FAN1: variants seen among roughly 807,000 people sequenced by gnomAD.
FAN1 encodes the protein FANCD2 and FANCI associated nuclease 1.
A neutral mutation model predicts 104.9 loss-of-function variants in FAN1; 91 were observed. The observed-to-expected ratio is 0.87, with a 90% CI of 0.73 to 1.03. The LOEUF (loss-of-function observed/expected upper bound fraction) is 1.03. Among genes scored for constraint, FAN1 ranks in the 50% least tolerant of loss-of-function variants. The pLI, the probability that FAN1 is intolerant of heterozygous loss-of-function variation, is 0.00. For synonymous variants in FAN1, 478 were observed against 457.6 expected (o/e 1.04, Z -0.57); for missense variants, 1,263 against 1,239.9 (o/e 1.02, Z -0.28).
Position 30,929,769 on chromosome 15 carries a change from ATATAATATAT to A in FAN1, c.2787+377_2787+386del, listed in dbSNP as rs1209005064. Among the ~76,000 whole-genome samples the A allele has an allele frequency of 3.1e-3, 106 of 34,480 alleles. 5 individuals carry two copies. The East Asian group carries it at 0.14, about 44-fold the overall frequency. The allele number at this position is 34,480 out of a possible 152,430, so 22.6% of individuals were successfully genotyped here. On this transcript the variant is annotated intron_variant, in intron 12 of 14. Transcript: ENST00000362065. ...TCATATATAATATAATATATAAAAT[ATATAATATAT>A]TATATCATATATAATATAATATATA...
Position 30,942,779 on chromosome 15 carries a change from C to T in FAN1, c.*1217C>T. ...AAGGGAATGACCCCTCAGAAACCCG[C>T]ATTAGCAGTGTTACTCTTGGAAGTG... is the stretch of plus-strand genomic sequence containing the variant. On this transcript the variant is annotated 3_prime_UTR_variant, in exon 15 of 15. Transcript: ENST00000362065. 8.9e-7 allele frequency: 1 copy of T among 1,129,786 alleles called. No individual in the cohort carries two copies. 70.0% of individuals were successfully genotyped at this position (1,129,786 alleles called of 1,614,324 possible).
Position 30,941,937 on chromosome 15 carries a change from G to A in FAN1, c.*375G>A, listed in dbSNP as rs1348569788. 6.2e-7 allele frequency: 1 copy of A among 1,613,974 alleles called. No homozygotes were observed. ...AAATACTGCTCCGTATCACTGTTCT[G>A]GCTGTCGGTTTGCTGAGCTGGATCT... On this transcript the variant is annotated 3_prime_UTR_variant, in exon 15 of 15. Coordinates refer to ENST00000362065, the MANE Select transcript of FAN1 (RefSeq NM_014967.5).
chr15:30,928,661 TCCAGTGCC>T lies in FAN1; in HGVS notation c.2592+8_2592+15del, dbSNP rs1450842114. 1 of 1,613,950 alleles carries T rather than the reference TCCAGTGCC, an allele frequency of 6.2e-7. No individual in the cohort carries two copies. Among genetic ancestry groups the T allele is most frequent in the Admixed American group, 1.7e-5 (1 of 60,018 alleles). ...GTCTTCAGAAACGCCTGTCAGGTACTCCAGTGCCCCTGCCCCACGAGTAGGTCCTTCTG... is the reference window on the plus strand; with the variant it reads ...GTCTTCAGAAACGCCTGTCAGGTACTCCTGCCCCACGAGTAGGTCCTTCTG... On this transcript the variant is annotated splice_donor_region_variant and intron_variant, in intron 11 of 14. Transcript: ENST00000362065.
chr15:30,904,770 A>G lies in FAN1; in HGVS notation c.107A>G (p.Asn36Ser), dbSNP rs146249441. The G allele has an allele frequency of 5.5e-5, 89 of 1,613,654 alleles. No homozygotes were observed. The African/African-American group carries it at 1.1e-3, about 20-fold the overall frequency. ...ASNSIISCFN[N>S]APPAKLACPV... ...AATTCTATTATTTCGTGTTTTAACA[A>G]TGCACCACCTGCTAAACTTGCCTGC... The change falls in exon 2 of 15, where the codon AAT becomes AGT. Residue 36 changes from asparagine to serine, a missense_variant. By Grantham distance (46) the Asn-to-Ser change is conservative. Transcript: ENST00000362065.
At chr15:30,932,050 G>A (rs1171100819) in intron 13 of FAN1, among the ~76,000 whole-genome samples, 7 of 151,540 alleles carry the variant, frequency 4.6e-5, no homozygotes, top group South Asian at 4.2e-4. Flanking sequence ...GTGAAACCCC[G>A]TCTCTACTAA....
Position 30,942,560 on chromosome 15 carries a change from AGGCCATGACTACATCACAGCCAGGC to A in FAN1, c.*1002_*1026del, listed in dbSNP as rs1362432706. On this transcript the variant is annotated 3_prime_UTR_variant, in exon 15 of 15. Transcript: ENST00000362065. The stretch of plus-strand genomic sequence containing the variant: ...TTAGGACAAGAATATAGCAGTCAGG[AGGCCATGACTACATCACAGCCAGGC>A]GGCATTCCCTGCCACAGTGGCGGCT... The A allele has an allele frequency of 5.7e-6, 2 of 349,080 alleles. No individual in the cohort carries two copies. Among genetic ancestry groups the A allele is most frequent in the Admixed American group, 4.3e-5 (1 of 23,060 alleles). 21.6% of individuals were successfully genotyped at this position (349,080 alleles called of 1,614,324 possible).
Position 30,942,291 on chromosome 15 carries a change from A to G in FAN1, c.*729A>G. 3.3e-6 allele frequency: 2 copies of G among 615,336 alleles called. No individual in the cohort carries two copies. The highest frequency in any genetic ancestry group is 4.3e-5 in the South Asian group (2 of 46,978). The allele number at this position is 615,336 out of a possible 1,614,324, so 38.1% of individuals were successfully genotyped here. On this transcript the variant is annotated 3_prime_UTR_variant, in exon 15 of 15. Coordinates refer to ENST00000362065, the MANE Select transcript of FAN1 (RefSeq NM_014967.5). ...ACCTAGGCTGTTACTATCAGCCTGA[A>G]TGGGGGCGGGATGAGAGTACCTCCT...
At chr15:30,934,583 G>A (rs2062802282) in intron 13 of FAN1, among the ~76,000 whole-genome samples, 2 of 152,132 alleles carry the variant, frequency 1.3e-5, no homozygotes, top group South Asian at 4.1e-4. Flanking sequence ...GTTCCACCAT[G>A]TTGCCCAGGC....
At chr15:30,940,029 A>T in intron 14 of FAN1, 1 of 976,580 alleles carries the variant, frequency 1.0e-6, no homozygotes, top group Non-Finnish European at 1.2e-6. Flanking sequence ...AGTACATATA[A>T]AGGTAAAATA....
At chr15:30,940,213 G>GT in intron 14 of FAN1, 2 of 985,264 alleles carry the variant, frequency 2.0e-6, no homozygotes, top group Middle Eastern at 5.2e-4. Flanking sequence ...TTTCACTGCT[G>GT]TAAGAAGCTT....
chr15:30,929,723 T>C (rs1196345510), intron 12 of FAN1, among the ~76,000 whole-genome samples: 2 of 43,174 alleles, frequency 4.6e-5, no homozygotes, highest in African/African-American at 2.0e-4. Flanking sequence ...ATAATATATA[T>C]AAAATATATA....
At position 30,942,110 on chromosome 15, in the gene FAN1, C is replaced by T. The variant is rs763076573; in HGVS notation, c.*548C>T. ...GATTTTATTATGTTCCGGGGATTCC[C>T]TTTTTAGAAAGATTGAAGGATGCAA... On this transcript the variant is annotated 3_prime_UTR_variant, in exon 15 of 15. Coordinates refer to ENST00000362065, the MANE Select transcript of FAN1 (RefSeq NM_014967.5). 2.5e-6 allele frequency: 4 copies of T among 1,568,846 alleles called. No individual in the cohort carries two copies. The Admixed American group carries it at 7.4e-5, about 29-fold the overall frequency.
chr15:30,942,371 C>T lies in FAN1; in HGVS notation c.*809C>T. ...AAGACGGGCTAGAAAAAACACTAGA[C>T]CTGGCCGATTCTATCAAGAACAATG... On this transcript the variant is annotated 3_prime_UTR_variant, in exon 15 of 15. Transcript: ENST00000362065. The T allele has an allele frequency of 2.2e-6, 1 of 448,456 alleles. No homozygotes were observed. 27.8% of individuals were successfully genotyped at this position (448,456 alleles called of 1,614,324 possible). A position where few individuals can be genotyped will look rare whatever the true frequency, so the allele number is the denominator to read the frequency against.
rs34178381 is a variant in FAN1, at chr15:30,930,382, G to C, written c.2788-161G>C. ...CCAGTGGGATTCCAGCCATGGCTCT[G>C]CAGCTCTGGTACAAGCAGCAGAACA... On this transcript the variant is annotated intron_variant, in intron 12 of 14. Coordinates refer to ENST00000362065, the MANE Select transcript of FAN1 (RefSeq NM_014967.5). 0.1 allele frequency among the ~76,000 whole-genome samples: 15,766 copies of C among 152,166 alleles called. 898 individuals carry two copies. The highest frequency in any genetic ancestry group is 0.15 in the African/African-American group (6,265 of 41,476).
chr15:30,922,088 TC>T, intron 7 of FAN1, 146 bp from the exon 8 acceptor site: 1 of 995,972 alleles, frequency 1.0e-6, no homozygotes, highest in East Asian at 2.4e-5. Flanking sequence ...AAAGTCCCTG[TC>T]CTGTCAGTTC....
In FAN1 at chr15:30,905,260, T is replaced by G. The variant is rs2140896548; in HGVS notation, c.597T>G (p.Ile199Met). 1 of 1,613,988 alleles carries G rather than the reference T, an allele frequency of 6.2e-7. No individual in the cohort carries two copies. The highest frequency in any genetic ancestry group is 2.2e-5 in the East Asian group (1 of 44,878). Residue 199 changes from isoleucine (I) to methionine (M), a missense_variant, in exon 2 of 15, where the codon ATT becomes ATG. Ile to Met is a conservative substitution (Grantham distance 10, BLOSUM62 1). Around this residue, in one of 2 missense-constraint regions of FAN1, gnomAD observed 682 missense variants for 571.1 expected, o/e 1.19. Transcript: ENST00000362065. ...GCCTGATTGATAACTCTTCAGAAAT[T>G]GAGGACGAGGATCAAATTTTGGAGA... ...VKSLIDNSSE[I>M]EDEDQILENS...
At position 30,913,920 on chromosome 15, in the gene FAN1, G is replaced by T; in HGVS notation, c.1640G>T (p.Arg547Leu). Residue 547 changes from arginine to leucine, a missense_variant, in exon 5 of 15, where the codon CGC becomes CTC. This residue lies in a region of FAN1 where 581 missense variants were observed against 668.8 expected (regional missense o/e 0.87). Coordinates refer to ENST00000362065, the MANE Select transcript of FAN1 (RefSeq NM_014967.5). ...AAAGGCCCCAGGGCTGTGTTTTCCC[G>T]CATCTTGCTACTGTTTTCGTTGACC... Reference protein sequence around the residue: ...ICKGPRAVFSRILLLFSLTDS... With the variant: ...ICKGPRAVFSLILLLFSLTDS... The T allele has an allele frequency of 1.2e-6, 2 of 1,614,142 alleles. No homozygotes were observed. Among genetic ancestry groups the T allele is most frequent in the Non-Finnish European group, 8.5e-7 (1 of 1,180,016 alleles).
intron 13 of FAN1, among the ~76,000 whole-genome samples, chr15:30,934,868 C>A (rs909304176): frequency 3.3e-5 from 5 of 152,180 alleles, no homozygotes; most frequent in African/African-American, 7.2e-5. Context: ...GTGGTGTTTT[C>A]ATATATTTTA....
Position 30,942,076 on chromosome 15 carries a change from T to C in FAN1, c.*514T>C, listed in dbSNP as rs1454761098. Reference sequence around the variant, plus strand: ...TTAGTGTGGAGCTGTAGCTTTTCTATACAGAAGAGATTTTATTATGTTCCG... The same window carrying C: ...TTAGTGTGGAGCTGTAGCTTTTCTACACAGAAGAGATTTTATTATGTTCCG... On this transcript the variant is annotated 3_prime_UTR_variant, in exon 15 of 15. Coordinates refer to ENST00000362065, the MANE Select transcript of FAN1 (RefSeq NM_014967.5). 7 of 1,608,506 alleles carry C rather than the reference T, an allele frequency of 4.4e-6. No individual in the cohort carries two copies. Among genetic ancestry groups the C allele is most frequent in the East Asian group, 4.5e-5 (2 of 44,802 alleles).
Sources: gnomAD v4.1 joint callset for allele counts (sites outside exome capture counted in the v4.1 genomes callset) on GRCh38, gnomAD v4.1.1 for gene constraint, gnomAD v4.1.1 regional missense constraint, MANE v1.5 for transcripts, NCBI Gene and HGNC (gene_info 2026-07-23, HGNC 2026-07-21) for gene names.